ASIC5: variants seen among roughly 807,000 people sequenced by gnomAD.
The protein encoded by ASIC5 is acid sensing ion channel subunit family member 5.
A neutral mutation model predicts 51.2 loss-of-function variants in ASIC5; 52 were observed. That is an observed-to-expected ratio of 1.02 (90% CI 0.81 to 1.28). The LOEUF (loss-of-function observed/expected upper bound fraction) is 1.28. Ranked by LOEUF, ASIC5 falls within the 50% of genes most tolerant of loss-of-function variation. The pLI is 0.00. For synonymous variants in ASIC5, 231 were observed against 200.7 expected (o/e 1.15, Z -1.28); for missense variants, 635 against 595.0 (o/e 1.07, Z -0.70).
chr4:155,838,846 G>T lies in ASIC5; in HGVS notation c.1033C>A (p.Gln345Lys), dbSNP rs1171348572. 1 of 1,583,844 alleles carries T rather than the reference G, an allele frequency of 6.3e-7. No homozygotes were observed. The highest frequency in any genetic ancestry group is 8.7e-7 in the Non-Finnish European group (1 of 1,154,438). Residue 345 changes from glutamine to lysine, a missense_variant, in exon 7 of 10, where the codon CAA becomes AAA. Coordinates refer to ENST00000537611, the MANE Select transcript of ASIC5 (RefSeq NM_017419.3). The part of the protein sequence containing the change: ...LPGYGIECDL[Q>K]KYFSCVSPVL... ...GGAGAAACACAGCTGAAGTACTTTT[G>T]TAGGTCACATTCTATCCCATATCCT... is the stretch of plus-strand genomic sequence containing the variant.
At chr4:155,858,721 G>T (rs1741612657) in intron 2 of ASIC5, 1 of 152,084 alleles carries the variant, frequency 6.6e-6, no homozygotes, top group South Asian at 2.1e-4. Context: ...ATAAAGGCAA[G>T]CAGTTGCATT....
In ASIC5 at chr4:155,830,896, T is replaced by C. The variant is rs188684019; in HGVS notation, c.1328-850A>G. On this transcript the variant is annotated intron_variant, in intron 9 of 9. Coordinates refer to ENST00000537611, the MANE Select transcript of ASIC5 (RefSeq NM_017419.3). ...GGCCATTCTTAGGACCATTCCGTTT[T>C]TGTAAAGTGTGATAATGAAGTATAG... Among the ~76,000 whole-genome samples the C allele has an allele frequency of 5.1e-3, 780 of 152,298 alleles. 5 individuals carry two copies. The highest frequency in any genetic ancestry group is 0.018 in the African/African-American group (739 of 41,570).
At chr4:155,858,494 TTTCTG>T (rs1741604775) in intron 2 of ASIC5, among the ~76,000 whole-genome samples, 1 of 152,114 alleles carries the variant, frequency 6.6e-6, no homozygotes, top group East Asian at 1.9e-4. Context: ...CTATTATTCA[TTTCTG>T]TGTAAAACTA....
chr4:155,843,577 G>T, intron 5 of ASIC5, 104 bp downstream of exon 5: 5 of 1,270,822 alleles, frequency 3.9e-6, no homozygotes, highest in Non-Finnish European at 5.5e-6. Flanking sequence ...AATTTCTAAT[G>T]GTGTTTTACA....
intron 7 of ASIC5, among the ~76,000 whole-genome samples, chr4:155,837,962 A>G (rs907718872): frequency 6.6e-6 from 1 of 152,156 alleles, no homozygotes; most frequent in African/African-American, 2.4e-5. Flanking sequence ...AAGAAATCTG[A>G]AGAAATCTGG....
Position 155,838,809 on chromosome 4 carries a change from T to C in ASIC5, c.1066+4A>G. 2 of 1,564,026 alleles carry C rather than the reference T, an allele frequency of 1.3e-6. No individual in the cohort carries two copies. Among genetic ancestry groups the C allele is most frequent in the Non-Finnish European group, 1.8e-6 (2 of 1,138,174 alleles). The stretch of plus-strand genomic sequence containing the variant: ...CTGAAAATAAAAGTAAATTAAGCAC[T>C]TACCAAGTACAGGAGAAACACAGCT... On this transcript the variant is annotated splice_donor_region_variant and intron_variant, in intron 7 of 9. Transcript: ENST00000537611.
intron 3 of ASIC5, 26 bp downstream of exon 3, chr4:155,854,051 A>T: frequency 6.6e-7 from 1 of 1,516,884 alleles, no homozygotes; most frequent in East Asian, 2.3e-5. Context: ...TACTTTGATT[A>T]TATTTGAAGA....
chr4:155,854,621 T>C (rs1451425175), intron 2 of ASIC5: 10 of 337,156 alleles, frequency 3.0e-5, no homozygotes, highest in Non-Finnish European at 5.4e-5. Flanking sequence ...AAAATGCATT[T>C]AGGAGCCAGA....
intron 8 of ASIC5, among the ~76,000 whole-genome samples, chr4:155,832,353 A>T (rs1049920119): frequency 3.3e-5 from 5 of 152,218 alleles, no homozygotes; most frequent in Non-Finnish European, 5.9e-5. Flanking sequence ...AGGCAAAATT[A>T]AATTATGTAT....
intron 4 of ASIC5, among the ~76,000 whole-genome samples, chr4:155,846,902 T>C (rs1009345850): frequency 1.3e-5 from 2 of 152,024 alleles, no homozygotes; most frequent in Non-Finnish European, 2.9e-5. Flanking sequence ...AAATTTTGTC[T>C]AATTCAAAGC....
At chr4:155,840,880 T>G (rs1271042592) in intron 6 of ASIC5, among the ~76,000 whole-genome samples, 1 of 151,950 alleles carries the variant, frequency 6.6e-6, no homozygotes, top group African/African-American at 2.4e-5. Flanking sequence ...CCTCCAATGA[T>G]CAGCTGGCAC....
intron 5 of ASIC5, among the ~76,000 whole-genome samples, chr4:155,843,285 GAAGTTACCGGGC>G (rs1741162049): frequency 6.6e-6 from 1 of 152,050 alleles, no homozygotes; most frequent in Non-Finnish European, 1.5e-5. Flanking sequence ...GCTAATTAAA[GAAGTTACCGGGC>G]AAGTAAGTGG....
Position 155,852,246 on chromosome 4 carries a change from T to A in ASIC5, c.656A>T (p.Lys219Met). The A allele has an allele frequency of 6.2e-7, 1 of 1,609,544 alleles. No homozygotes were observed. The highest frequency in any genetic ancestry group is 8.5e-7 in the Non-Finnish European group (1 of 1,178,098). ...TCTTCCAGAGACACTCACTTTTCTC[T>A]TTGCTTGGAGAGTTTCACCATGATT... ...TFNHGETLQA[K>M]RKVSVSGRGL... Residue 219 changes from lysine to methionine, a missense_variant, in exon 4 of 10, where the codon AAG becomes ATG. By Grantham distance (95) the Lys-to-Met change is moderately conservative. Transcript: ENST00000537611.
intron 8 of ASIC5, among the ~76,000 whole-genome samples, chr4:155,836,448 T>C (rs1387445375): frequency 6.6e-6 from 1 of 152,226 alleles, no homozygotes; most frequent in African/African-American, 2.4e-5. Context: ...CAATAAATGT[T>C]TGATCATGAG....
intron 2 of ASIC5, among the ~76,000 whole-genome samples, chr4:155,861,018 A>G (rs1741689390): frequency 6.6e-6 from 1 of 151,708 alleles, no homozygotes; most frequent in African/African-American, 2.4e-5. Flanking sequence ...CTTCTTTGTT[A>G]TTTAGGTGTG....
chr4:155,835,884 T>C (rs765546108), intron 8 of ASIC5, among the ~76,000 whole-genome samples: 4 of 152,220 alleles, frequency 2.6e-5, no homozygotes, highest in Non-Finnish European at 5.9e-5. Flanking sequence ...CTAAGCATGC[T>C]TTCCAAATTA....
intron 7 of ASIC5, among the ~76,000 whole-genome samples, chr4:155,838,394 A>G (rs972895217): frequency 2.0e-5 from 3 of 152,204 alleles, no homozygotes; most frequent in Non-Finnish European, 4.4e-5. Flanking sequence ...AAAAAATTTT[A>G]TATGCCAAGT....
intron 4 of ASIC5, 122 bp downstream of exon 4, chr4:155,852,068 AT>A: frequency 8.4e-7 from 1 of 1,185,030 alleles, no homozygotes; most frequent in South Asian, 1.5e-5. Context: ...TCTAGACTAA[AT>A]TAACAAAAAC....
chr4:155,833,896 A>G (rs1740923802), intron 8 of ASIC5, among the ~76,000 whole-genome samples: 1 of 152,202 alleles, frequency 6.6e-6, no homozygotes, highest in Non-Finnish European at 1.5e-5. Flanking sequence ...GTCCAAAAAT[A>G]TTTGTGTCAG....
Sources: gnomAD v4.1 joint callset for allele counts (sites outside exome capture counted in the v4.1 genomes callset) on GRCh38, gnomAD v4.1.1 for gene constraint, MANE v1.5 for transcripts, NCBI Gene and HGNC (gene_info 2026-07-23, HGNC 2026-07-21) for gene names.